KCND3: variants seen among roughly 807,000 people sequenced by gnomAD.
KCND3 encodes potassium voltage-gated channel subfamily D member 3.
KCND3 carries 9 observed loss-of-function variants against 51.1 expected under a neutral mutation model. That is an observed-to-expected ratio of 0.18 (90% CI 0.11 to 0.31). KCND3 has a LOEUF of 0.31. Among genes scored for constraint, KCND3 ranks in the 10% least tolerant of loss-of-function variants. KCND3 has a pLI of 1.00. For synonymous variants in KCND3, 349 were observed against 368.0 expected, an observed-to-expected ratio of 0.95 and a Z score of 0.59; for missense variants, 526 against 903.8, an observed-to-expected ratio of 0.58 and a Z score of 5.36.
At chr1:111,974,274 G>A (rs1674505676) in intron 2 of KCND3, among the ~76,000 whole-genome samples, 1 of 152,158 alleles carries the variant, frequency 6.6e-6, no homozygotes, top group African/African-American at 2.4e-5. Context: ...AAGCATTGTG[G>A]GAACTCCTTC....
At chr1:111,987,221 T>A (rs1675330821) in intron 1 of KCND3, among the ~76,000 whole-genome samples, 1 of 152,088 alleles carries the variant, frequency 6.6e-6, no homozygotes, top group African/African-American at 2.4e-5. Flanking sequence ...CATCACCTTC[T>A]CCTCTCTACC....
intron 2 of KCND3, among the ~76,000 whole-genome samples, chr1:111,967,516 A>G (rs1674074214): frequency 6.6e-6 from 1 of 152,240 alleles, no homozygotes; most frequent in Non-Finnish European, 1.5e-5. Context: ...CTCACCGTCA[A>G]GTACCCTGTT....
At chr1:111,914,135 AACTT>A (rs1013553462) in intron 2 of KCND3, among the ~76,000 whole-genome samples, 4 of 152,092 alleles carry the variant, frequency 2.6e-5, no homozygotes, top group African/African-American at 7.2e-5. Flanking sequence ...ACCCCAATAA[AACTT>A]AAATAAAAGA....
chr1:111,870,400 T>C (rs597205), intron 2 of KCND3, among the ~76,000 whole-genome samples: 25,640 of 152,238 alleles, frequency 0.17, 2,896 homozygotes, highest in East Asian at 0.53. Flanking sequence ...AGAGTCACTG[T>C]GTCACAGACG....
At chr1:111,929,105 T>C (rs1671841070) in intron 2 of KCND3, among the ~76,000 whole-genome samples, 1 of 152,232 alleles carries the variant, frequency 6.6e-6, no homozygotes, top group South Asian at 2.1e-4. Context: ...CCTGGTGTAA[T>C]AATTCCAAGA....
At chr1:111,892,522 C>T (rs1177660062) in intron 2 of KCND3, among the ~76,000 whole-genome samples, 1 of 152,182 alleles carries the variant, frequency 6.6e-6, no homozygotes, top group Admixed American at 6.5e-5. Context: ...AACTTGAGTG[C>T]CAGGCTGTTT....
At chr1:111,915,112 A>T (rs1671133141) in intron 2 of KCND3, among the ~76,000 whole-genome samples, 1 of 152,230 alleles carries the variant, frequency 6.6e-6, no homozygotes, top group South Asian at 2.1e-4. Flanking sequence ...CCACTAAAAA[A>T]AAATACATAT....
At chr1:111,963,774 G>C (rs1673808674) in intron 2 of KCND3, among the ~76,000 whole-genome samples, 1 of 152,202 alleles carries the variant, frequency 6.6e-6, no homozygotes, top group African/African-American at 2.4e-5. Flanking sequence ...ACACAAAGAA[G>C]GTAATAGTGG....
chr1:111,785,729 A>G (rs2101489898), intron 3 of KCND3, among the ~76,000 whole-genome samples: 1 of 152,220 alleles, frequency 6.6e-6, no homozygotes, highest in African/African-American at 2.4e-5. Flanking sequence ...CTGTTCTGAA[A>G]TTCTGGATTT....
intron 2 of KCND3, among the ~76,000 whole-genome samples, chr1:111,890,001 C>T (rs1044699246): frequency 6.6e-6 from 1 of 151,944 alleles, no homozygotes; most frequent in African/African-American, 2.4e-5. Context: ...AATGGCTGGT[C>T]GGGAGGGACT....
chr1:111,910,170 G>C (rs559754368), intron 2 of KCND3: 2 of 152,356 alleles, frequency 1.3e-5, no homozygotes, highest in African/African-American at 4.8e-5. Flanking sequence ...GTGGAGAGAA[G>C]GTTGACAGCT....
chr1:111,927,935 C>T (rs1188158974), intron 2 of KCND3, among the ~76,000 whole-genome samples: 2 of 152,148 alleles, frequency 1.3e-5, no homozygotes, highest in African/African-American at 2.4e-5. Flanking sequence ...TTCCCAGACA[C>T]AGGAGTGGCT....
Position 111,961,915 on chromosome 1 carries a change from C to T in KCND3, c.1106+19706G>A, listed in dbSNP as rs148926595. 5.6e-3 allele frequency among the ~76,000 whole-genome samples: 858 copies of T among 152,302 alleles called. 7 individuals carry two copies. The highest frequency in any genetic ancestry group is 9.7e-3 in the Non-Finnish European group (661 of 68,012). On this transcript the variant is annotated intron_variant, in intron 2 of 7. Transcript: ENST00000302127. ...AGCCAAGCCTTCAGGCGGCTACAGT[C>T]CCACTTCTGTTCTCCCTGCAGCTTC...
chr1:111,803,789 T>C (rs669088), intron 2 of KCND3, among the ~76,000 whole-genome samples: 42,246 of 152,002 alleles, frequency 0.28, 6,213 homozygotes, highest in African/African-American at 0.37. Flanking sequence ...TTTGTATACA[T>C]TTGAAATTTT....
At chr1:111,829,865 G>A (rs145941992) in intron 2 of KCND3, among the ~76,000 whole-genome samples, 11 of 152,302 alleles carry the variant, frequency 7.2e-5, no homozygotes, top group Non-Finnish European at 1.5e-4. Context: ...GACTGCCTGA[G>A]GTGGAAGCTG....
intron 2 of KCND3, among the ~76,000 whole-genome samples, chr1:111,971,239 T>C (rs1216242733): frequency 6.7e-6 from 1 of 149,500 alleles, no homozygotes; most frequent in Non-Finnish European, 1.5e-5. Flanking sequence ...TTAGCAAAGC[T>C]CATAAATTCT....
chr1:111,784,797 T>G (rs1289405645), intron 3 of KCND3, among the ~76,000 whole-genome samples: 1 of 151,820 alleles, frequency 6.6e-6, no homozygotes, highest in African/African-American at 2.4e-5. Context: ...ATATTTACTC[T>G]GATTTCAAGG....
At chr1:111,979,127 G>A (rs772622222) in intron 2 of KCND3, among the ~76,000 whole-genome samples, 1 of 152,150 alleles carries the variant, frequency 6.6e-6, no homozygotes, top group African/African-American at 2.4e-5. Context: ...TGTCAGATGT[G>A]GGGTGAGGGA....
chr1:111,901,967 A>T (rs1670403839), intron 2 of KCND3, among the ~76,000 whole-genome samples: 1 of 152,170 alleles, frequency 6.6e-6, no homozygotes, highest in African/African-American at 2.4e-5. Context: ...GAGGACCCCA[A>T]ACTACTCCAT....
Sources: gnomAD v4.1 joint callset for allele counts (sites outside exome capture counted in the v4.1 genomes callset) on GRCh38, gnomAD v4.1.1 for gene constraint, MANE v1.5 for transcripts, NCBI Gene and HGNC (gene_info 2026-07-23, HGNC 2026-07-21) for gene names.